ITGAM: variants seen among roughly 807,000 people sequenced by gnomAD.
ITGAM encodes integrin alpha-M.
A neutral mutation model predicts 137.5 loss-of-function variants in ITGAM; 79 were observed. The ratio of observed to expected loss-of-function variants is 0.57; its 90% confidence interval spans 0.48 to 0.69. The LOEUF is 0.69. Among genes scored for constraint, ITGAM ranks in the 30% least tolerant of loss-of-function variants. The pLI is 0.00. For missense variants in ITGAM, 1,343 were observed against 1,483.5 expected (o/e 0.91, Z 1.56); for synonymous variants, 583 against 592.3 (o/e 0.98, Z 0.23).
chr16:31,299,310 A>AT (rs1255038561), intron 14 of ITGAM, among the ~76,000 whole-genome samples: 2 of 150,768 alleles, frequency 1.3e-5, no homozygotes, highest in African/African-American at 2.4e-5. Flanking sequence ...TGGCTGTTTT[A>AT]TTTTTTTTTA....
intron 12 of ITGAM, among the ~76,000 whole-genome samples, chr16:31,283,983 C>T (rs557304606): frequency 6.6e-5 from 10 of 152,286 alleles, no homozygotes; most frequent in East Asian, 5.8e-4. Context: ...TGGAGTTTGC[C>T]GGAGTTCCAC....
intron 5 of ITGAM, among the ~76,000 whole-genome samples, chr16:31,270,053 G>A (rs889541679): frequency 1.1e-4 from 17 of 151,612 alleles, no homozygotes; most frequent in African/African-American, 3.7e-4. Flanking sequence ...CACTTTATAT[G>A]TGTGTGCCCT....
At chr16:31,322,779 C>T (rs1216012837) in intron 16 of ITGAM, among the ~76,000 whole-genome samples, 1 of 152,074 alleles carries the variant, frequency 6.6e-6, no homozygotes, top group Non-Finnish European at 1.5e-5. Context: ...ACCTGGAATT[C>T]ATAAAATAGA....
At chr16:31,276,773 G>A (rs2079911001) in intron 10 of ITGAM, 29 bp downstream of exon 10, 1 of 1,591,106 alleles carries the variant, frequency 6.3e-7, no homozygotes, top group African/African-American at 1.3e-5. Context: ...AATTGCGGGG[G>A]TGGGGCAGGG....
chr16:31,302,486 T>TC (rs67656550), intron 14 of ITGAM, among the ~76,000 whole-genome samples: 203 of 114,998 alleles, frequency 1.8e-3, no homozygotes, highest in African/African-American at 7.8e-3. Context: ...TTTCTTTCTT[T>TC]TTTCTTTCCT....
chr16:31,313,838 C>A (rs2080361691), intron 14 of ITGAM, among the ~76,000 whole-genome samples: 1 of 152,178 alleles, frequency 6.6e-6, no homozygotes, highest in African/African-American at 2.4e-5. Flanking sequence ...GATTTACACT[C>A]CCACTAACAG....
rs58372645 is a variant in ITGAM at position 31,314,743 on chromosome 16, T to A, written c.1708-6498T>A. Among the ~76,000 whole-genome samples the A allele has an allele frequency of 8.4e-3, 1,273 of 152,082 alleles. 14 individuals are homozygous for A. The highest frequency in any genetic ancestry group is 0.029 in the African/African-American group (1,203 of 41,442). On this transcript the variant is annotated intron_variant, in intron 14 of 29. Transcript: ENST00000544665. ...TTTTGGCTGCATATGAAATTTAAAG[T>A]AGTTTTCACAAGATCAGCTACAGCC... is the stretch of plus-strand genomic sequence containing the variant.
intron 12 of ITGAM, among the ~76,000 whole-genome samples, chr16:31,294,976 G>T (rs1416371487): frequency 1.3e-5 from 2 of 152,158 alleles, no homozygotes; most frequent in Non-Finnish European, 2.9e-5. Context: ...TTGTTGAAGA[G>T]AATGTCCTTT....
At chr16:31,303,430 G>T (rs747842569) in intron 14 of ITGAM, among the ~76,000 whole-genome samples, 2 of 152,200 alleles carry the variant, frequency 1.3e-5, no homozygotes, top group African/African-American at 2.4e-5. Context: ...AGCAAGTACT[G>T]AGTGGACTAT....
intron 14 of ITGAM, among the ~76,000 whole-genome samples, chr16:31,300,402 T>C (rs2080186095): frequency 6.6e-6 from 1 of 152,212 alleles, no homozygotes; most frequent in Non-Finnish European, 1.5e-5. Context: ...TCGCCAACAG[T>C]GTGCAAAGGT....
intron 14 of ITGAM, 99 bp downstream of exon 14, chr16:31,298,053 C>T: frequency 1.0e-6 from 1 of 981,662 alleles, no homozygotes; most frequent in South Asian, 1.4e-5. Flanking sequence ...TCTCACAGTA[C>T]TCCTTTCAGA....
chr16:31,285,478 A>T (rs1296156855), intron 12 of ITGAM, among the ~76,000 whole-genome samples: 5 of 151,964 alleles, frequency 3.3e-5, no homozygotes, highest in East Asian at 3.9e-4. Flanking sequence ...AAAAAATATT[A>T]AAAAAAGTTA....
chr16:31,315,770 A>C (rs1326078412), intron 14 of ITGAM, among the ~76,000 whole-genome samples: 1 of 151,914 alleles, frequency 6.6e-6, no homozygotes, highest in East Asian at 1.9e-4. Flanking sequence ...AGCACTTTTG[A>C]TTTTTGTATT....
At chr16:31,272,083 G>C (rs1465360209) in intron 7 of ITGAM, 91 bp downstream of exon 7, 1 of 1,481,002 alleles carries the variant, frequency 6.8e-7, no homozygotes, top group Non-Finnish European at 9.4e-7. Context: ...AGACAGGGGT[G>C]GTAGAGGATG....
intron 14 of ITGAM, among the ~76,000 whole-genome samples, chr16:31,302,495 CTTCTTTCTTTCT>C (rs1270929378): frequency 3.6e-5 from 2 of 55,176 alleles, no homozygotes; most frequent in African/African-American, 1.6e-4. Context: ...TTTTTCTTTC[CTTCTTTCTTTCT>C]TTCTTTTTTT....
chr16:31,329,431 G>C (rs1475732706), intron 24 of ITGAM, 128 bp downstream of exon 24: 2 of 729,146 alleles, frequency 2.7e-6, no homozygotes, highest in Non-Finnish European at 4.9e-6. Context: ...GTTCCACGCT[G>C]CTATCACTCA....
chr16:31,325,714 T>C, intron 21 of ITGAM, 92 bp downstream of exon 21: 1 of 1,447,306 alleles, frequency 6.9e-7, no homozygotes, highest in Non-Finnish European at 9.3e-7. Context: ...GGTTCCTTTT[T>C]GTACAAAACA....
intron 14 of ITGAM, among the ~76,000 whole-genome samples, chr16:31,303,409 T>C (rs2080235295): frequency 1.3e-5 from 2 of 152,206 alleles, no homozygotes; most frequent in Admixed American, 1.3e-4. Flanking sequence ...ATAGTTATTA[T>C]CTAAAATTTA....
chr16:31,306,831 T>C (rs2080269972), intron 14 of ITGAM, among the ~76,000 whole-genome samples: 1 of 152,150 alleles, frequency 6.6e-6, no homozygotes, highest in South Asian at 2.1e-4. Flanking sequence ...TTAATGACTT[T>C]TAAATCATGT....
Sources: gnomAD v4.1 joint callset for allele counts (sites outside exome capture counted in the v4.1 genomes callset) on GRCh38, gnomAD v4.1.1 for gene constraint, MANE v1.5 for transcripts, NCBI Gene and HGNC (gene_info 2026-07-23, HGNC 2026-07-21) for gene names.